Variants in ABR observed in about 807,000 individuals in gnomAD.
The protein encoded by ABR is ABR activator of RhoGEF and GTPase, also known as active breakpoint cluster region-related protein.
ABR carries 35 observed loss-of-function variants against 107.2 expected under a neutral mutation model. That is an observed-to-expected ratio of 0.33 (90% CI 0.25 to 0.43). ABR has a LOEUF of 0.43. Among genes scored for constraint, ABR ranks in the 20% least tolerant of loss-of-function variants. ABR has a pLI of 1.00. For synonymous variants in ABR, 498 were observed against 462.0 expected (o/e 1.08, Z -1.00); for missense variants, 815 against 1,115.2 (o/e 0.73, Z 3.83).
At chr17:1,054,469 CAG>C (rs2032981211) in intron 14 of ABR, among the ~76,000 whole-genome samples, 1 of 146,664 alleles carries the variant, frequency 6.8e-6, no homozygotes, top group Non-Finnish European at 1.5e-5. Context: ...CAAGGAACCT[CAG>C]GGGATGGGGG....
In ABR at chr17:1,070,352, A is replaced by G. The variant is rs534612300; in HGVS notation, c.895-262T>C. Reference sequence around the variant, plus strand: ...GATTCACCTTCTGTTAAGTGCGGACAGTGAGGTCTGCCTCATAAGGTGACT... The same window carrying G: ...GATTCACCTTCTGTTAAGTGCGGACGGTGAGGTCTGCCTCATAAGGTGACT... On this transcript the variant is annotated intron_variant, in intron 8 of 22. Transcript: ENST00000302538. This position sits in a 1 kb window ranked among gnomAD's most constrained non-coding sequence, Gnocchi z 4.2. 7.9e-4 allele frequency among the ~76,000 whole-genome samples: 120 copies of G among 152,290 alleles called. 1 individual carries two copies. Among genetic ancestry groups the G allele is most frequent in the Non-Finnish European group, 2.1e-4 (14 of 68,018 alleles).
chr17:1,041,750 A>G (rs2030544483), intron 16 of ABR, among the ~76,000 whole-genome samples: 1 of 152,152 alleles, frequency 6.6e-6, no homozygotes, highest in African/African-American at 2.4e-5. Context: ...ATAAATAAGT[A>G]AATAAATAAA....
chr17:1,219,215 G>GT (rs373438681), intron 1 of ABR, among the ~76,000 whole-genome samples: 7 of 151,454 alleles, frequency 4.6e-5, no homozygotes, highest in South Asian at 2.1e-4. Context: ...GATAATTTTT[G>GT]TTTTTTTTAG....
At chr17:1,109,162 C>CGGGCGGG in intron 2 of ABR, 27 of 1,413,816 alleles carry the variant, frequency 1.9e-5, no homozygotes, top group Non-Finnish European at 2.1e-5. Context: ...GGAGGGGGGG[C>CGGGCGGG]AGGTCTACAC....
At chr17:1,205,762 G>A (rs1253434767) in intron 1 of ABR, among the ~76,000 whole-genome samples, 5 of 152,212 alleles carry the variant, frequency 3.3e-5, no homozygotes, top group African/African-American at 1.2e-4. Context: ...GGCCAACATG[G>A]TGAAACCCCA....
intron 5 of ABR, 66 bp from the exon 6 acceptor site, chr17:1,079,456 G>A (rs376683139): frequency 6.8e-7 from 1 of 1,464,564 alleles, no homozygotes; most frequent in African/African-American, 1.4e-5. Context: ...CCCACTGTGA[G>A]CCTGGCAAGA....
At chr17:1,189,557 C>T (rs2042388836), upstream of ABR, among the ~76,000 whole-genome samples, 1 of 152,112 alleles carries the variant, frequency 6.6e-6, no homozygotes, top group South Asian at 2.1e-4. Context: ...CCCCTTTCAG[C>T]TTCATCTGGC....
chr17:1,022,928 C>A (rs866482140), intron 16 of ABR, among the ~76,000 whole-genome samples: 1 of 152,282 alleles, frequency 6.6e-6, no homozygotes, highest in African/African-American at 2.4e-5. Context: ...CCAAGGCAGG[C>A]TAGCCTCTTA....
At chr17:1,090,152 G>A (rs1322805081) in intron 4 of ABR, among the ~76,000 whole-genome samples, 1 of 152,192 alleles carries the variant, frequency 6.6e-6, no homozygotes, top group African/African-American at 2.4e-5. Flanking sequence ...GACGTTTCAG[G>A]CACACGGGGC....
chr17:1,205,955 A>C (rs1011942153), intron 1 of ABR, among the ~76,000 whole-genome samples: 3 of 150,000 alleles, frequency 2.0e-5, no homozygotes, highest in East Asian at 3.9e-4. Context: ...AAAGAAAAAA[A>C]AAATACAAAA....
chr17:1,113,338 G>A (rs1442214902), intron 2 of ABR, among the ~76,000 whole-genome samples: 1 of 145,308 alleles, frequency 6.9e-6, no homozygotes, highest in East Asian at 2.0e-4. Flanking sequence ...CCAGGCTGGA[G>A]TGCAGTGGCA....
At chr17:1,182,724 C>T (rs961341782), upstream of ABR, among the ~76,000 whole-genome samples, 1 of 152,172 alleles carries the variant, frequency 6.6e-6, no homozygotes. Context: ...TGGTGATCAC[C>T]GGGTGCTGAA....
chr17:1,100,598 G>C, intron 3 of ABR, 39 bp downstream of exon 3: 5 of 1,571,480 alleles, frequency 3.2e-6, no homozygotes, highest in Non-Finnish European at 3.5e-6. Context: ...CAACACGGGC[G>C]GGGGGACCGG....
intron 1 of ABR, among the ~76,000 whole-genome samples, chr17:1,194,085 C>A (rs1270642419): frequency 6.6e-6 from 1 of 152,162 alleles, no homozygotes; most frequent in Non-Finnish European, 1.5e-5. Flanking sequence ...CTACTGAAAT[C>A]TGACAAGCTC....
chr17:1,209,890 C>G (rs113162399), intron 1 of ABR, among the ~76,000 whole-genome samples: 2 of 152,284 alleles, frequency 1.3e-5, no homozygotes, highest in South Asian at 2.1e-4. Flanking sequence ...TTATCAAAGT[C>G]CAGCAGGTAT....
chr17:1,121,573 T>C (rs1196123864), intron 2 of ABR, among the ~76,000 whole-genome samples: 1 of 136,302 alleles, frequency 7.3e-6, no homozygotes, highest in African/African-American at 3.5e-5. Flanking sequence ...AGCCCTGCTG[T>C]GGTCTGAGAG....
intron 4 of ABR, among the ~76,000 whole-genome samples, chr17:1,087,367 G>A (rs1237201555): frequency 1.3e-5 from 2 of 152,168 alleles, no homozygotes; most frequent in South Asian, 2.1e-4. Flanking sequence ...GAGCCTCCCA[G>A]TACAGAGGCA....
chr17:1,095,862 C>T (rs2037384663), intron 3 of ABR, among the ~76,000 whole-genome samples: 1 of 152,232 alleles, frequency 6.6e-6, no homozygotes. Context: ...TGCCATGCCA[C>T]CCGAGTCACT....
intron 9 of ABR, among the ~76,000 whole-genome samples, chr17:1,068,202 G>A (rs1203201957): frequency 6.6e-6 from 1 of 152,184 alleles, no homozygotes; most frequent in Admixed American, 6.5e-5. Context: ...CAAAGTGCTG[G>A]GATTACAGGC....
Sources: gnomAD v4.1 joint callset for allele counts (sites outside exome capture counted in the v4.1 genomes callset) on GRCh38, gnomAD v4.1.1 for gene constraint, Gnocchi (gnomAD v3.1) non-coding constraint, MANE v1.5 for transcripts, NCBI Gene and HGNC (gene_info 2026-07-23, HGNC 2026-07-21) for gene names.